The following ATRIP variants were observed in gnomAD, a reference collection of about 807,000 sequenced individuals.
ATRIP encodes ATR-interacting protein.
A neutral mutation model predicts 78.1 loss-of-function variants in ATRIP; 44 were observed. The observed-to-expected ratio is 0.56, with a 90% CI of 0.44 to 0.72. The LOEUF (loss-of-function observed/expected upper bound fraction) is 0.72, where lower values mean the gene tolerates loss of function less well. Ranked by LOEUF, ATRIP falls within the 30% of genes least tolerant of loss-of-function variation. The pLI is 0.00. For synonymous variants in ATRIP, 388 were observed against 408.9 expected (o/e 0.95, Z 0.62); for missense variants, 927 against 980.2 (o/e 0.95, Z 0.72).
In ATRIP at chr3:48,460,384, G is replaced by A. The variant is rs750810901; in HGVS notation, c.1330G>A (p.Gly444Arg). The A allele has an allele frequency of 8.1e-6, 13 of 1,613,364 alleles. No individual in the cohort carries two copies. The highest frequency in any genetic ancestry group is 2.2e-5 in the East Asian group (1 of 44,896). Residue 444 changes from glycine to arginine, a missense_variant, in exon 8 of 13, where the codon GGA becomes AGA. Transcript: ENST00000320211. Reference protein sequence around the residue: ...LQDLAAAKRSGAPGDSPTHSS... With the variant: ...LQDLAAAKRSRAPGDSPTHSS... The stretch of plus-strand genomic sequence containing the variant: ...GGACTTGGCAGCTGCTAAGAGAAGC[G>A]GAGCACCTGGGGACTCACCGACACA...
At position 48,451,875 on chromosome 3, in the gene ATRIP, C is replaced by G. The variant is rs774024081; in HGVS notation, c.528C>G (p.Asp176Glu). 1.2e-6 allele frequency: 2 copies of G among 1,607,954 alleles called. No individual in the cohort carries two copies. The highest frequency in any genetic ancestry group is 2.2e-5 in the South Asian group (2 of 89,606). Residue 176 changes from aspartate (D) to glutamate (E), a missense_variant, in exon 3 of 13, where the codon GAC (aspartate) becomes GAG (glutamate). Asp to Glu is a conservative substitution (Grantham distance 45, BLOSUM62 2). Transcript: ENST00000320211. ...AAGAGAAAACCCAAGCACTCAGTGA[C>G]AAGGAAAAGGAATTCTCCAAAAAGG... ...LEQEKTQALS[D>E]KEKEFSKKLQ...
At chr3:48,463,635 C>A in intron 8 of ATRIP, 110 bp from the exon 9 acceptor site, 2 of 1,443,928 alleles carry the variant, frequency 1.4e-6, no homozygotes, top group Non-Finnish European at 1.9e-6. Flanking sequence ...AACCAACTCA[C>A]CTGTTCATAC....
Position 48,465,549 on chromosome 3 carries a change from G to A in ATRIP, c.2371G>A (p.Gly791Ser). 1.9e-6 allele frequency: 3 copies of A among 1,613,276 alleles called. No homozygotes were observed. The highest frequency in any genetic ancestry group is 2.5e-6 in the Non-Finnish European group (3 of 1,179,348). ...TDVEDPEVEC[G>S] is the part of the protein sequence containing the mutation. The stretch of plus-strand genomic sequence containing the variant: ...TGTGGAAGACCCCGAGGTGGAGTGT[G>A]GCTGAGGCCCTGAGTGTCCAGCCAC... Residue 791 changes from glycine to serine, a missense_variant, in exon 13 of 13, where the codon GGC (glycine) becomes AGC (serine). Transcript: ENST00000320211.
At position 48,466,905 on chromosome 3, in the gene ATRIP, A is replaced by C. The variant is rs775075513; in HGVS notation, c.*1351A>C. 2 of 1,611,968 alleles carry C rather than the reference A, an allele frequency of 1.2e-6. No homozygotes were observed. Among genetic ancestry groups the C allele is most frequent in the East Asian group, 2.2e-5 (1 of 44,896 alleles). On this transcript the variant is annotated 3_prime_UTR_variant, in exon 13 of 13. Coordinates refer to ENST00000320211, the MANE Select transcript of ATRIP (RefSeq NM_130384.3). ...GGCCTGCAGCCCTGCAGCCAGCGAG[A>C]TCACAGGTCTGAGCACAGCTGTGCT...
chr3:48,454,006 C>T (rs1008770406), intron 3 of ATRIP, among the ~76,000 whole-genome samples: 8 of 151,946 alleles, frequency 5.3e-5, no homozygotes, highest in South Asian at 2.1e-4. Context: ...ATGATCCTCC[C>T]GCCTCAACCT....
At chr3:48,464,162 T>C (rs1334687926) in intron 10 of ATRIP, 30 bp downstream of exon 10, 3 of 1,538,698 alleles carry the variant, frequency 1.9e-6, no homozygotes, top group African/African-American at 2.7e-5. Flanking sequence ...TTCTGGACAC[T>C]GTCCCCACCC....
intron 1 of ATRIP, 156 bp downstream of exon 1, chr3:48,447,248 G>T: frequency 7.9e-7 from 1 of 1,268,370 alleles, no homozygotes; most frequent in Non-Finnish European, 9.9e-7. Flanking sequence ...TCTTCCAGAA[G>T]GTCCTTTGAT....
At chr3:48,459,257 A>G in intron 5 of ATRIP, 102 bp from the exon 6 acceptor site, 2 of 948,282 alleles carry the variant, frequency 2.1e-6, no homozygotes, top group East Asian at 2.5e-5. Flanking sequence ...CCAAGTTCGA[A>G]GAAGTAGAAC....
chr3:48,464,563 C>G lies in ATRIP; in HGVS notation c.1975-19C>G. The G allele has an allele frequency of 6.2e-7, 1 of 1,613,680 alleles. No homozygotes were observed. Among genetic ancestry groups the G allele is most frequent in the Non-Finnish European group, 8.5e-7 (1 of 1,179,588 alleles). ...GGTCTCCTTCTGCCCAGGATGGAAC[C>G]AATCTGTTCTTGTTCTAGGTGGTGT... is the stretch of plus-strand genomic sequence containing the variant. On this transcript the variant is annotated intron_variant, in intron 10 of 12. Transcript: ENST00000320211.
rs769085285 is a variant in ATRIP at position 48,459,418 on chromosome 3, T to C, written c.889T>C (p.Phe297Leu). The change falls in exon 6 of 13, where the codon TTT becomes CTT. Residue 297 changes from phenylalanine to leucine, a missense_variant. Coordinates refer to ENST00000320211, the MANE Select transcript of ATRIP (RefSeq NM_130384.3). Reference protein sequence around the residue: ...SIKQEEAQKSFVDSWRQRSNT... With the variant: ...SIKQEEAQKSLVDSWRQRSNT... ...AAAACAAGAAGAGGCCCAGAAAAGC[T>C]TTGTTGACAGCTGGAGACAGAGATC... is the stretch of plus-strand genomic sequence containing the variant. 3.7e-6 allele frequency: 6 copies of C among 1,614,044 alleles called. No homozygotes were observed. The East Asian group carries it at 1.3e-4, about 36-fold the overall frequency.
At chr3:48,453,191 C>T (rs1343066404) in intron 3 of ATRIP, among the ~76,000 whole-genome samples, 1 of 152,148 alleles carries the variant, frequency 6.6e-6, no homozygotes, top group Non-Finnish European at 1.5e-5. Flanking sequence ...GCCTGTTTCT[C>T]AGGGAAAGGA....
Position 48,447,111 on chromosome 3 carries a change from C to G in ATRIP, c.247+19C>G. 6.7e-7 allele frequency: 1 copy of G among 1,490,392 alleles called. No homozygotes were observed. 92.3% of individuals were successfully genotyped at this position (1,490,392 alleles called of 1,614,324 possible). On this transcript the variant is annotated intron_variant, in intron 1 of 12. Transcript: ENST00000320211. ...GTGTCCAGTGAGTGCTCCTCGCGGC[C>G]TTTTGCTCGGAGGGAGTTGTCAACC...
rs762687506 is a variant in ATRIP, at chr3:48,466,664, G to A, written c.*1110G>A. The A allele has an allele frequency of 2.2e-5, 36 of 1,613,594 alleles. No individual in the cohort carries two copies. In the East Asian group the frequency reaches 3.3e-4, roughly 15 times the overall value. Reference sequence around the variant, plus strand: ...CAGGTACGTACCCAACCATGGGCTCGCAGGCCCTGCCCCCGGGGCCCATGC... The same window carrying A: ...CAGGTACGTACCCAACCATGGGCTCACAGGCCCTGCCCCCGGGGCCCATGC... On this transcript the variant is annotated 3_prime_UTR_variant, in exon 13 of 13. Transcript: ENST00000320211.
intron 6 of ATRIP, 26 bp downstream of exon 6, chr3:48,459,480 A>AG: frequency 6.3e-7 from 1 of 1,599,866 alleles, no homozygotes; most frequent in South Asian, 1.1e-5. Flanking sequence ...CTTCTCCTGC[A>AG]GGGGCCTGCA....
chr3:48,449,425 A>AT (rs2039773235), intron 1 of ATRIP, among the ~76,000 whole-genome samples: 2 of 150,332 alleles, frequency 1.3e-5, no homozygotes, highest in South Asian at 2.1e-4. Flanking sequence ...AAAAAAAAAA[A>AT]AAAAAAAAAG....
chr3:48,455,069 G>C (rs1010015892), intron 4 of ATRIP, among the ~76,000 whole-genome samples: 2 of 151,990 alleles, frequency 1.3e-5, no homozygotes, highest in African/African-American at 4.8e-5. Flanking sequence ...CACCATGTTG[G>C]CCAGGCTCGT....
rs1196208678 is a variant in ATRIP, at chr3:48,466,029, T to TGTCA, written c.*476_*479dup. 1.3e-5 allele frequency: 4 copies of TGTCA among 317,460 alleles called. No homozygotes were observed. Among genetic ancestry groups the TGTCA allele is most frequent in the Non-Finnish European group, 2.5e-5 (4 of 162,822 alleles). 19.7% of individuals were successfully genotyped at this position (317,460 alleles called of 1,614,324 possible). On this transcript the variant is annotated 3_prime_UTR_variant, in exon 13 of 13. Transcript: ENST00000320211. ...CACTGCCCTGGTCCTTCCAGCTGCC[T>TGTCA]GTCACTGGTATGATGGCCCCGGTGC...
chr3:48,463,673 A>C (rs1039569138), intron 8 of ATRIP, 72 bp from the exon 9 acceptor site: 15 of 1,587,692 alleles, frequency 9.4e-6, no homozygotes, highest in Non-Finnish European at 1.2e-5. Context: ...TGTTACCTCT[A>C]GTGGAGTGTG....
In ATRIP at chr3:48,466,593, CTG is replaced by C. The variant is rs755391839; in HGVS notation, c.*1040_*1041del. 8 of 1,613,818 alleles carry C rather than the reference CTG, an allele frequency of 5.0e-6. No individual in the cohort carries two copies. The African/African-American group carries it at 8.0e-5, about 16-fold the overall frequency. On this transcript the variant is annotated 3_prime_UTR_variant, in exon 13 of 13. Coordinates refer to ENST00000320211, the MANE Select transcript of ATRIP (RefSeq NM_130384.3). ...ACTCCCTCCCCTTCGGATCTTAACACTGGGCACTCACACACCCACCCCATGCT... is the reference window on the plus strand; with the variant it reads ...ACTCCCTCCCCTTCGGATCTTAACACGGCACTCACACACCCACCCCATGCT...
Sources: allele counts gnomAD v4.1 joint callset (sites outside exome capture counted in the v4.1 genomes callset), GRCh38; gene constraint gnomAD v4.1.1; transcripts MANE v1.5; gene names NCBI Gene and HGNC (gene_info 2026-07-23, HGNC 2026-07-21).